The following RBFOX1 variants were observed in gnomAD, a reference collection of about 807,000 sequenced individuals.
The protein encoded by RBFOX1 is RNA binding protein fox-1 homolog 1.
In RBFOX1, 8 loss-of-function variants were observed where a neutral mutation model predicts 57.7. The observed-to-expected ratio is 0.14, with a 90% CI of 0.08 to 0.25. The LOEUF (loss-of-function observed/expected upper bound fraction) is 0.25. Ranked by LOEUF, RBFOX1 falls within the 10% of genes least tolerant of loss-of-function variation. The pLI, the probability that RBFOX1 is intolerant of heterozygous loss-of-function variation, is 1.00. For synonymous variants in RBFOX1, 326 were observed against 222.4 expected (o/e 1.47, Z -4.15); for missense variants, 611 against 548.5 (o/e 1.11, Z -1.14).
At chr16:5,665,199 C>T (rs533583179) in intron 3 of RBFOX1, among the ~76,000 whole-genome samples, 10 of 152,048 alleles carry the variant, frequency 6.6e-5, no homozygotes, top group African/African-American at 2.4e-4. Context: ...GATCCTCCCA[C>T]CTTAGTCTTC....
intron 3 of RBFOX1, among the ~76,000 whole-genome samples, chr16:5,696,855 A>G (rs552595536): frequency 2.0e-5 from 3 of 149,550 alleles, no homozygotes; most frequent in African/African-American, 7.7e-5. Context: ...TATCTATCTT[A>G]CATATCTTCT....
intron 4 of RBFOX1, among the ~76,000 whole-genome samples, chr16:7,432,610 T>C (rs773620309): frequency 3.9e-5 from 6 of 152,254 alleles, no homozygotes; most frequent in Non-Finnish European, 7.3e-5. Context: ...TCTGCCATTT[T>C]AGTGTGAAAG....
intron 3 of RBFOX1, among the ~76,000 whole-genome samples, chr16:5,693,526 CT>C (rs1385250583): frequency 6.6e-6 from 1 of 151,750 alleles, no homozygotes; most frequent in Non-Finnish European, 1.5e-5. Context: ...GGTTAAAAAA[CT>C]CATTATATGT....
At chr16:5,372,072 T>G (rs1392530123) in intron 1 of RBFOX1, among the ~76,000 whole-genome samples, 1 of 152,222 alleles carries the variant, frequency 6.6e-6, no homozygotes, top group African/African-American at 2.4e-5. Context: ...CCATGCCGGC[T>G]TCAGATATTT....
At chr16:6,460,712 A>G (rs56403516) in intron 2 of RBFOX1, among the ~76,000 whole-genome samples, 25,220 of 152,118 alleles carry the variant, frequency 0.17, 2,671 homozygotes, top group East Asian at 0.46. Context: ...TTTAGAACCA[A>G]AAATACCATT....
At chr16:5,770,818 T>C (rs912012524) in intron 3 of RBFOX1, among the ~76,000 whole-genome samples, 3 of 152,200 alleles carry the variant, frequency 2.0e-5, no homozygotes, top group African/African-American at 7.2e-5. Flanking sequence ...CTTTTAGAAC[T>C]CTATGCCAAG....
intron 4 of RBFOX1, among the ~76,000 whole-genome samples, chr16:5,955,346 TAA>T (rs869139079): frequency 1.1e-4 from 3 of 27,320 alleles, no homozygotes; most frequent in Admixed American, 1.1e-3. Flanking sequence ...TAAAATAAAA[TAA>T]AATAAATAAA....
chr16:6,397,743 G>C (rs1461683549), intron 2 of RBFOX1, among the ~76,000 whole-genome samples: 1 of 152,188 alleles, frequency 6.6e-6, no homozygotes, highest in African/African-American at 2.4e-5. Context: ...ATGAGAATGT[G>C]AAGCAAAACT....
At chr16:7,439,799 A>G (rs1170627550) in intron 4 of RBFOX1, among the ~76,000 whole-genome samples, 1 of 152,074 alleles carries the variant, frequency 6.6e-6, no homozygotes, top group Non-Finnish European at 1.5e-5. Context: ...TTGCTTGTCA[A>G]ATTGGGATGG....
intron 2 of RBFOX1, among the ~76,000 whole-genome samples, chr16:6,591,077 A>G (rs2153988057): frequency 6.6e-6 from 1 of 152,284 alleles, no homozygotes; most frequent in South Asian, 2.1e-4. Flanking sequence ...TATGTGTATT[A>G]AGTGCTGTGA....
rs1459518204 is a variant in RBFOX1 at position 5,881,205 on chromosome 16, G to A, written c.351+13870G>A. ...ATCCTCTCCATCTTGGCCCTGAACT[G>A]TCTTCTGATTCTAGTTGGGTGAAAG... is the stretch of plus-strand genomic sequence containing the variant. On this transcript the variant is annotated intron_variant, in intron 4 of 19. Coordinates refer to the RBFOX1 transcript ENST00000641259. Among the ~76,000 whole-genome samples, 4 of 152,154 alleles carry A rather than the reference G, an allele frequency of 2.6e-5. No homozygotes were observed. In the East Asian group the frequency reaches 5.8e-4, roughly 22 times the overall value.
chr16:6,873,597 G>T (rs535066964), intron 3 of RBFOX1, among the ~76,000 whole-genome samples: 1 of 152,020 alleles, frequency 6.6e-6, no homozygotes, highest in African/African-American at 2.4e-5. Context: ...CATATTACAC[G>T]TCTAGTTTTT....
chr16:7,166,728 C>G (rs2079577460), intron 4 of RBFOX1, among the ~76,000 whole-genome samples: 1 of 152,062 alleles, frequency 6.6e-6, no homozygotes, highest in African/African-American at 2.4e-5. Flanking sequence ...ACCGGCATGT[C>G]AAGGCAGACT....
chr16:6,002,293 G>A (rs1316334830), intron 4 of RBFOX1, among the ~76,000 whole-genome samples: 2 of 152,106 alleles, frequency 1.3e-5, no homozygotes, highest in Non-Finnish European at 2.9e-5. Flanking sequence ...TTCAACTTAC[G>A]ATTGTGTCTC....
At chr16:5,262,373 G>A (rs1596331337) in intron 1 of RBFOX1, among the ~76,000 whole-genome samples, 1 of 152,308 alleles carries the variant, frequency 6.6e-6, no homozygotes, top group South Asian at 2.1e-4. Context: ...CCCAATGTGG[G>A]TGAGCCTCAT....
chr16:7,272,396 G>A (rs1205848975), intron 4 of RBFOX1, among the ~76,000 whole-genome samples: 2 of 152,112 alleles, frequency 1.3e-5, no homozygotes, highest in African/African-American at 2.4e-5. Flanking sequence ...TGTTGGCCAG[G>A]TTGGGCTTGA....
intron 3 of RBFOX1, among the ~76,000 whole-genome samples, chr16:6,853,081 A>C (rs545863323): frequency 3.8e-4 from 58 of 152,238 alleles, no homozygotes; most frequent in Admixed American, 8.5e-4. Context: ...GTTACCCTTC[A>C]CACAGTTCTA....
At chr16:7,249,285 T>C (rs1346606234) in intron 4 of RBFOX1, among the ~76,000 whole-genome samples, 2 of 152,212 alleles carry the variant, frequency 1.3e-5, no homozygotes, top group Non-Finnish European at 2.9e-5. Flanking sequence ...CCTTCTTTTC[T>C]TTCTATTGGA....
chr16:5,722,171 A>G lies in RBFOX1; in HGVS notation c.318+123210A>G, dbSNP rs570121990. Among the ~76,000 whole-genome samples, 9 of 152,332 alleles carry G rather than the reference A, an allele frequency of 5.9e-5. No homozygotes were observed. The East Asian group carries it at 1.3e-3, about 23-fold the overall frequency. On this transcript the variant is annotated intron_variant, in intron 3 of 19. Coordinates refer to the RBFOX1 transcript ENST00000641259. ...TATTACCAAGTCCTATAAAATGAAA[A>G]TCAAGTTTGAAATAGGGTTTGTTAA... is the stretch of plus-strand genomic sequence containing the variant.
Sources: allele counts gnomAD v4.1 joint callset (sites outside exome capture counted in the v4.1 genomes callset), GRCh38; gene constraint gnomAD v4.1.1; transcripts MANE v1.5; gene names NCBI Gene and HGNC (gene_info 2026-07-23, HGNC 2026-07-21).